Variants in RUBCN observed in about 807,000 individuals in gnomAD.
The protein encoded by RUBCN is rubicon autophagy regulator, also known as run domain Beclin-1-interacting and cysteine-rich domain-containing protein.
RUBCN carries 74 observed loss-of-function variants against 113.2 expected under a neutral mutation model. The observed-to-expected ratio is 0.65, with a 90% confidence interval of 0.54 to 0.79. RUBCN has a LOEUF of 0.79. Among genes scored for constraint, RUBCN ranks in the 30% least tolerant of loss-of-function variants. The probability of loss-of-function intolerance (pLI) is 0.00; values close to 1 mark genes in which losing one functional copy is unlikely to be tolerated. For synonymous variants in RUBCN, 480 were observed against 490.0 expected, an observed-to-expected ratio of 0.98 and a Z score of 0.27; for missense variants, 1,109 against 1,251.7, an observed-to-expected ratio of 0.89 and a Z score of 1.72.
At chr3:197,708,554 CAAAA>C (rs113534449) in intron 2 of RUBCN, among the ~76,000 whole-genome samples, 106 of 74,566 alleles carry the variant, frequency 1.4e-3, no homozygotes, top group African/African-American at 3.9e-3. Flanking sequence ...GTGGTAGACT[CAAAA>C]AAAAAAAAAA....
intron 1 of RUBCN, among the ~76,000 whole-genome samples, chr3:197,728,483 G>C (rs1727008580): frequency 6.6e-6 from 1 of 152,134 alleles, no homozygotes; most frequent in Non-Finnish European, 1.5e-5. Flanking sequence ...AAAGAAAACA[G>C]GAAATATAAA....
At chr3:197,731,609 T>A (rs1727482400) in intron 1 of RUBCN, among the ~76,000 whole-genome samples, 1 of 148,586 alleles carries the variant, frequency 6.7e-6, no homozygotes, top group African/African-American at 2.5e-5. Context: ...ATGGGGCGGC[T>A]GGCCGGGCGG....
Position 197,704,649 on chromosome 3 carries a change from C to T in RUBCN, c.356G>A (p.Arg119His), listed in dbSNP as rs368245479. ...CTGCAGCCACAGCTCGGCAACAGCACGTTCACTGGCACCATCAGCACTGCT... is the reference window on the plus strand; with the variant it reads ...CTGCAGCCACAGCTCGGCAACAGCATGTTCACTGGCACCATCAGCACTGCT... ...DQSSADGASE[R>H]AVAELWLQHS... Residue 119 changes from arginine to histidine, a missense_variant, in exon 4 of 20, where the codon CGT (arginine) becomes CAT (histidine). By Grantham distance (29) the Arg-to-His change is conservative. Around this residue, in one of 3 missense-constraint regions of RUBCN, gnomAD observed 736 missense variants for 779.6 expected, o/e 0.94. Coordinates refer to ENST00000296343, the MANE Select transcript of RUBCN (RefSeq NM_014687.4). 34 of 1,614,120 alleles carry T rather than the reference C, an allele frequency of 2.1e-5. No homozygotes were observed. The African/African-American group carries it at 2.7e-4, about 13-fold the overall frequency.
chr3:197,727,922 CAA>C lies in RUBCN; in HGVS notation c.65+8731_65+8732del, dbSNP rs569874510. 3.3e-4 allele frequency among the ~76,000 whole-genome samples: 51 copies of C among 152,360 alleles called. No individual in the cohort carries two copies. In the East Asian group the frequency reaches 9.3e-3, roughly 28 times the overall value. On this transcript the variant is annotated intron_variant, in intron 1 of 19. Coordinates refer to ENST00000296343, the MANE Select transcript of RUBCN (RefSeq NM_014687.4). The stretch of plus-strand genomic sequence containing the variant: ...AATAGCAATGGCACGGGAGGAAAGA[CAA>C]AGTGTTTCAGTCTTTTCAGTTTCAG...
chr3:197,677,820 AGCT>A (rs1259076235), intron 16 of RUBCN, among the ~76,000 whole-genome samples: 1 of 136,534 alleles, frequency 7.3e-6, no homozygotes, highest in Non-Finnish European at 1.6e-5. Context: ...TCTGACTGAC[AGCT>A]GGCTTCAGAC....
Position 197,681,783 on chromosome 3 carries a change from G to T in RUBCN, c.2191+52C>A, listed in dbSNP as rs1011713246. 1.3e-6 allele frequency: 2 copies of T among 1,504,316 alleles called. No homozygotes were observed. Among genetic ancestry groups the T allele is most frequent in the African/African-American group, 2.7e-5 (2 of 72,734 alleles). 93.2% of individuals were successfully genotyped at this position (1,504,316 alleles called of 1,614,324 possible). On this transcript the variant is annotated intron_variant, in intron 15 of 19. Transcript: ENST00000296343. This position sits in a 1 kb window ranked among gnomAD's most constrained non-coding sequence, Gnocchi z 5.5. ...ACACGCCACCTCTCCCTACGTGTCG[G>T]GGAGGGTACAGAGCCTCTGGAGGCA...
rs1276425701 is a variant in RUBCN at position 197,670,229 on chromosome 3, A to G, written c.*4789T>C. ...TAACTGTCATTTTGATGGTTGCATCAATTTTTTTATTTTCCATTAACTTTT... is the reference window on the plus strand; with the variant it reads ...TAACTGTCATTTTGATGGTTGCATCGATTTTTTTATTTTCCATTAACTTTT... On this transcript the variant is annotated 3_prime_UTR_variant, in exon 20 of 20. Transcript: ENST00000296343. Among the ~76,000 whole-genome samples the G allele has an allele frequency of 6.6e-6, 1 of 152,192 alleles. No individual in the cohort carries two copies. The highest frequency in any genetic ancestry group is 2.4e-5 in the African/African-American group (1 of 41,454).
At chr3:197,711,276 A>G (rs1277576622) in intron 2 of RUBCN, among the ~76,000 whole-genome samples, 5 of 152,254 alleles carry the variant, frequency 3.3e-5, no homozygotes, top group African/African-American at 1.2e-4. Context: ...ACTAATAGCA[A>G]ATGATTGGAA....
rs1721272291 is a variant in RUBCN at position 197,681,784 on chromosome 3, G to A, written c.2191+51C>T. On this transcript the variant is annotated intron_variant, in intron 15 of 19. Transcript: ENST00000296343. This position sits in a 1 kb window ranked among gnomAD's most constrained non-coding sequence, Gnocchi z 5.5. ...CACGCCACCTCTCCCTACGTGTCGG[G>A]GAGGGTACAGAGCCTCTGGAGGCAG... The A allele has an allele frequency of 6.6e-7, 1 of 1,510,378 alleles. No individual in the cohort carries two copies. Among genetic ancestry groups the A allele is most frequent in the Non-Finnish European group, 9.2e-7 (1 of 1,085,306 alleles). The allele number at this position is 1,510,378 out of a possible 1,614,324, so 93.6% of individuals were successfully genotyped here. A position where few individuals can be genotyped will look rare whatever the true frequency, so the allele number is the denominator to read the frequency against.
upstream of RUBCN, chr3:197,736,936 C>T: frequency 7.5e-7 from 1 of 1,339,660 alleles, no homozygotes; most frequent in Non-Finnish European, 9.5e-7. Context: ...CTACAGCCCC[C>T]GGCGAGCACT....
chr3:197,726,585 G>T (rs986063082), intron 1 of RUBCN, among the ~76,000 whole-genome samples: 1 of 151,156 alleles, frequency 6.6e-6, no homozygotes, highest in African/African-American at 2.4e-5. Flanking sequence ...TGTCACCCAG[G>T]CTGGAGGGCA....
intron 1 of RUBCN, among the ~76,000 whole-genome samples, chr3:197,735,277 T>G (rs550020279): frequency 6.6e-6 from 1 of 152,300 alleles, no homozygotes; most frequent in African/African-American, 2.4e-5. Context: ...CTGGCACCTA[T>G]ATCCCCAGCT....
rs1171750063 is a variant in RUBCN at position 197,681,406 on chromosome 3, T to TC, written c.2192-40dup. 5.3e-6 allele frequency: 8 copies of TC among 1,502,548 alleles called. No homozygotes were observed. The highest frequency in any genetic ancestry group is 7.4e-6 in the Non-Finnish European group (8 of 1,078,982). 93.1% of individuals were successfully genotyped at this position (1,502,548 alleles called of 1,614,324 possible). ...AAAGCCAGAAAGCCAGATGTAACTT[T>TC]CCCATCTACAAGCTGGGAAGGCAGC... On this transcript the variant is annotated intron_variant, in intron 15 of 19. Transcript: ENST00000296343. The surrounding 1 kb of genome is among the most constrained non-coding windows in gnomAD (Gnocchi z 5.5).
rs146273321 is a variant in RUBCN at position 197,671,047 on chromosome 3, G to A, written c.*3971C>T. 5.3e-4 allele frequency among the ~76,000 whole-genome samples: 81 copies of A among 152,238 alleles called. No individual in the cohort carries two copies. The highest frequency in any genetic ancestry group is 1.9e-3 in the African/African-American group (77 of 41,534). On this transcript the variant is annotated 3_prime_UTR_variant, in exon 20 of 20. Coordinates refer to ENST00000296343, the MANE Select transcript of RUBCN (RefSeq NM_014687.4). ...TTTTGTTTTTTTGAGACAGGGTCTCGCTCTTCATCCAGGATGGAGTGCAAT... is the reference window on the plus strand; with the variant it reads ...TTTTGTTTTTTTGAGACAGGGTCTCACTCTTCATCCAGGATGGAGTGCAAT...
chr3:197,732,895 C>A (rs2109005348), intron 1 of RUBCN, among the ~76,000 whole-genome samples: 1 of 152,176 alleles, frequency 6.6e-6, no homozygotes, highest in African/African-American at 2.4e-5. Context: ...CGCCTTATTT[C>A]AAAAAAACTA....
At chr3:197,724,497 A>C (rs1726522789) in intron 1 of RUBCN, among the ~76,000 whole-genome samples, 1 of 152,200 alleles carries the variant, frequency 6.6e-6, no homozygotes. Context: ...TCAATCCCCA[A>C]ATACTCTTTT....
rs576723978 is a variant in RUBCN at position 197,729,047 on chromosome 3, A to G, written c.65+7608T>C. 1.2e-3 allele frequency among the ~76,000 whole-genome samples: 186 copies of G among 150,128 alleles called. 1 individual carries two copies. Among genetic ancestry groups the G allele is most frequent in the Admixed American group, 3.1e-3 (47 of 15,056 alleles). ...GGGAGGCCGAGGCGGGCGGATCACG[A>G]GGTCAGGAGAATGGCGTGAACCCGG... On this transcript the variant is annotated intron_variant, in intron 1 of 19. Transcript: ENST00000296343.
chr3:197,693,692 T>C, intron 11 of RUBCN, 23 bp downstream of exon 11: 1 of 1,483,152 alleles, frequency 6.7e-7, no homozygotes, highest in Non-Finnish European at 9.4e-7. Flanking sequence ...AAAGTTCCCT[T>C]GTAACAAAGT....
intron 11 of RUBCN, among the ~76,000 whole-genome samples, chr3:197,691,631 C>T (rs778974176): frequency 6.6e-6 from 1 of 152,138 alleles, no homozygotes; most frequent in South Asian, 2.1e-4. Flanking sequence ...GGCCTACAAC[C>T]GCAGCAACAG....
Sources: gnomAD v4.1 joint callset for allele counts (sites outside exome capture counted in the v4.1 genomes callset) on GRCh38, gnomAD v4.1.1 for gene constraint, gnomAD v4.1.1 regional missense constraint, Gnocchi (gnomAD v3.1) non-coding constraint, MANE v1.5 for transcripts, NCBI Gene and HGNC (gene_info 2026-07-23, HGNC 2026-07-21) for gene names.